The following PLEKHB2 variants were observed in gnomAD, a reference collection of about 807,000 sequenced individuals.
PLEKHB2 encodes the protein pleckstrin homology domain containing B2.
PLEKHB2 carries 31 observed loss-of-function variants against 36.5 expected under a neutral mutation model. That is an observed-to-expected ratio of 0.85 (90% CI 0.64 to 1.15). The LOEUF is 1.15. Ranked by LOEUF, PLEKHB2 falls within the 50% of genes most tolerant of loss-of-function variation. The pLI, the probability that PLEKHB2 is intolerant of heterozygous loss-of-function variation, is 0.00. For synonymous variants in PLEKHB2, 119 were observed against 112.0 expected (o/e 1.06, Z -0.39); for missense variants, 262 against 295.3 (o/e 0.89, Z 0.83).
chr2:131,124,542 G>A (rs999636193), intron 2 of PLEKHB2, among the ~76,000 whole-genome samples: 2 of 152,140 alleles, frequency 1.3e-5, no homozygotes, highest in Non-Finnish European at 2.9e-5. Context: ...TATATACCAC[G>A]TTAAATACCT....
chr2:131,112,966 G>A (rs972200145), intron 1 of PLEKHB2, among the ~76,000 whole-genome samples: 1 of 152,164 alleles, frequency 6.6e-6, no homozygotes, highest in African/African-American at 2.4e-5. Flanking sequence ...ACTTGTGGCT[G>A]GTGTCTGAAG....
chr2:131,116,377 A>G (rs1249012889), intron 1 of PLEKHB2, among the ~76,000 whole-genome samples: 1 of 152,216 alleles, frequency 6.6e-6, no homozygotes, highest in Non-Finnish European at 1.5e-5. Flanking sequence ...CATTCGTTGT[A>G]TTAGTCTGTT....
At chr2:131,132,415 T>C (rs1483450176) in intron 5 of PLEKHB2, among the ~76,000 whole-genome samples, 1 of 152,168 alleles carries the variant, frequency 6.6e-6, no homozygotes, top group African/African-American at 2.4e-5. Context: ...CGAGTGATCC[T>C]TGAGACTTAG....
intron 6 of PLEKHB2, among the ~76,000 whole-genome samples, chr2:131,136,817 G>T (rs2104938230): frequency 6.6e-6 from 1 of 151,844 alleles, no homozygotes; most frequent in African/African-American, 2.4e-5. Flanking sequence ...GGGAGAAATT[G>T]TGTAGAATTG....
At chr2:131,144,482 A>C (rs1362269898) in intron 7 of PLEKHB2, 2 of 980,248 alleles carry the variant, frequency 2.0e-6, no homozygotes. Flanking sequence ...AGATTTGGGG[A>C]CTATAGTCCT....
At position 131,144,325 on chromosome 2, in the gene PLEKHB2, G is replaced by A. The variant is rs374335393; in HGVS notation, c.533-2312G>A. The stretch of plus-strand genomic sequence containing the variant: ...TGATTTAACCCGCTAGTGGGTGTTC[G>A]TTCGGCTCTCCTATAATGTGGGGTT... On this transcript the variant is annotated intron_variant, in intron 7 of 7. Transcript: ENST00000693505. The A allele has an allele frequency of 2.7e-4, 142 of 520,132 alleles. 5 individuals carry two copies. In the South Asian group the frequency reaches 0.011, roughly 39 times the overall value. The allele number at this position is 520,132 out of a possible 1,614,324, so 32.2% of individuals were successfully genotyped here.
At chr2:131,138,494 T>C (rs1347159376) in intron 6 of PLEKHB2, among the ~76,000 whole-genome samples, 1 of 152,156 alleles carries the variant, frequency 6.6e-6, no homozygotes, top group East Asian at 1.9e-4. Flanking sequence ...CTGAATCTTA[T>C]TTAAATCTCA....
At chr2:131,111,991 C>G (rs953339833) in intron 1 of PLEKHB2, among the ~76,000 whole-genome samples, 13 of 151,998 alleles carry the variant, frequency 8.6e-5, no homozygotes, top group African/African-American at 3.1e-4. Flanking sequence ...TAATACAATC[C>G]TTAAAAATCT....
chr2:131,145,204 GCACTC>G (rs1409282037), intron 7 of PLEKHB2, among the ~76,000 whole-genome samples: 17 of 152,214 alleles, frequency 1.1e-4, no homozygotes, highest in South Asian at 2.1e-4. Context: ...GGATAAAAGT[GCACTC>G]AGTTGAGTAA....
intron 2 of PLEKHB2, among the ~76,000 whole-genome samples, chr2:131,124,178 A>G (rs1379583798): frequency 6.6e-6 from 1 of 151,258 alleles, no homozygotes; most frequent in African/African-American, 2.5e-5. Flanking sequence ...CAGGTAGTCA[A>G]GTGGATGCTT....
At chr2:131,126,594 C>T (rs1573576131) in intron 3 of PLEKHB2, 90 bp from the exon 4 acceptor site, 1 of 759,796 alleles carries the variant, frequency 1.3e-6, no homozygotes, top group South Asian at 1.5e-5. Flanking sequence ...GATTTATTGT[C>T]TAGTCCTTTG....
chr2:131,114,062 C>G (rs889430475), intron 1 of PLEKHB2, among the ~76,000 whole-genome samples: 14 of 152,026 alleles, frequency 9.2e-5, no homozygotes, highest in Non-Finnish European at 1.8e-4. Context: ...TTAGAACTTT[C>G]AAAATGTTGT....
At chr2:131,109,703 C>T (rs1038520744) in intron 1 of PLEKHB2, among the ~76,000 whole-genome samples, 27 of 150,726 alleles carry the variant, frequency 1.8e-4, no homozygotes, top group African/African-American at 6.6e-4. Context: ...AACAAACAAA[C>T]AAAAAAAACA....
intron 1 of PLEKHB2, among the ~76,000 whole-genome samples, chr2:131,112,537 C>A (rs915992247): frequency 2.6e-5 from 4 of 152,076 alleles, no homozygotes; most frequent in Non-Finnish European, 5.9e-5. Flanking sequence ...AGGACAGCAA[C>A]CTGGGAAGCA....
intron 6 of PLEKHB2, among the ~76,000 whole-genome samples, chr2:131,139,473 T>C (rs1348567601): frequency 6.6e-6 from 1 of 152,230 alleles, no homozygotes; most frequent in Non-Finnish European, 1.5e-5. Context: ...TGTTCTCCCT[T>C]ATCAGAGCAC....
In PLEKHB2 at chr2:131,132,888, C is replaced by G. The variant is rs773452502; in HGVS notation, c.334-14C>G. The G allele has an allele frequency of 2.6e-6, 4 of 1,533,502 alleles. No homozygotes were observed. The highest frequency in any genetic ancestry group is 1.1e-5 in the South Asian group (1 of 89,424). 95.0% of individuals were successfully genotyped at this position (1,533,502 alleles called of 1,614,324 possible). A position where few individuals can be genotyped will look rare whatever the true frequency, so the allele number is the denominator to read the frequency against. ...GGAAGCTGTCCTGTCCTCACCCTCT[C>G]CTGTCTCCCGCAGGCGTATGTGGGC... On this transcript the variant is annotated splice_polypyrimidine_tract_variant and intron_variant, in intron 5 of 7. Coordinates refer to ENST00000693505, the MANE Select transcript of PLEKHB2 (RefSeq NM_001100623.2).
chr2:131,130,636 T>A, intron 4 of PLEKHB2, 85 bp from the exon 5 acceptor site: 1 of 1,007,602 alleles, frequency 9.9e-7, no homozygotes, highest in Non-Finnish European at 1.6e-6. Context: ...ACAGATCTTT[T>A]CAGGAATTCT....
Position 131,145,571 on chromosome 2 carries a change from G to C in PLEKHB2, c.533-1066G>C, listed in dbSNP as rs150023676. ...GCTGGTCTAAAACTTCCGGCCTCAA[G>C]TGATCCACCTGCCTCAGCCTCCCAA... On this transcript the variant is annotated intron_variant, in intron 7 of 7. Transcript: ENST00000693505. 5.7e-3 allele frequency among the ~76,000 whole-genome samples: 862 copies of C among 152,220 alleles called. 6 individuals are homozygous for C. Among genetic ancestry groups the C allele is most frequent in the African/African-American group, 0.02 (822 of 41,510 alleles).
rs765923140 is a variant in PLEKHB2, at chr2:131,125,921, T to G, written c.190+16T>G. ...GAATGTCGGGGTAAGCTGGCCTGTC[T>G]TGGCCAACTTCTGTCTTCTGCTCTT... On this transcript the variant is annotated intron_variant, in intron 3 of 7. Coordinates refer to ENST00000693505, the MANE Select transcript of PLEKHB2 (RefSeq NM_001100623.2). 6.2e-7 allele frequency: 1 copy of G among 1,609,558 alleles called. No individual in the cohort carries two copies. Among genetic ancestry groups the G allele is most frequent in the Non-Finnish European group, 8.5e-7 (1 of 1,177,808 alleles).
Sources: allele counts gnomAD v4.1 joint callset (sites outside exome capture counted in the v4.1 genomes callset), GRCh38; gene constraint gnomAD v4.1.1; transcripts MANE v1.5; gene names NCBI Gene and HGNC (gene_info 2026-07-23, HGNC 2026-07-21).